ZBTB46: variants seen among roughly 807,000 people sequenced by gnomAD.
The protein encoded by ZBTB46 is zinc finger and BTB domain-containing protein 46.
ZBTB46 carries 8 observed loss-of-function variants against 44.1 expected under a neutral mutation model. The ratio of observed to expected loss-of-function variants is 0.18; its 90% CI spans 0.11 to 0.33. The LOEUF is 0.33. Ranked by LOEUF, ZBTB46 falls within the 10% of genes least tolerant of loss-of-function variation. ZBTB46 has a pLI of 1.00. For synonymous variants in ZBTB46, 409 were observed against 382.3 expected (o/e 1.07, Z -0.81); for missense variants, 651 against 847.7 (o/e 0.77, Z 2.88).
At chr20:63,811,670 A>T (rs1175630366) in intron 1 of ZBTB46, among the ~76,000 whole-genome samples, 1 of 152,176 alleles carries the variant, frequency 6.6e-6, no homozygotes, top group African/African-American at 2.4e-5. Context: ...GCGACGGGCC[A>T]GCCGGCTCAC....
intron 1 of ZBTB46, among the ~76,000 whole-genome samples, chr20:63,802,006 C>G (rs2092649502): frequency 1.3e-5 from 2 of 152,156 alleles, no homozygotes; most frequent in Admixed American, 1.3e-4. Flanking sequence ...GACCTCACTG[C>G]CATTTGTTAC....
At chr20:63,832,537 C>G (rs1255011303), upstream of ZBTB46, among the ~76,000 whole-genome samples, 4 of 152,206 alleles carry the variant, frequency 2.6e-5, no homozygotes, top group Non-Finnish European at 4.4e-5. The surrounding 1 kb of genome is among the most constrained non-coding windows in gnomAD (Gnocchi z 5.0). Flanking sequence ...TGGGAGGCGG[C>G]TGAGGGCTCT....
At chr20:63,829,670 G>A (rs114937472) in intron 1 of ZBTB46, among the ~76,000 whole-genome samples, 17 of 152,178 alleles carry the variant, frequency 1.1e-4, no homozygotes, top group African/African-American at 3.9e-4. Context: ...AAAACACACC[G>A]AGCAGAAAGG....
rs919684850 is a variant in ZBTB46 at position 63,790,802 on chromosome 20, A to C, written c.-33-12T>G. ...CTCTTCTACAGACTCTGTGGAGGTA[A>C]GAACAAGAGTTACCCAAGCTCAGCA... On this transcript the variant is annotated splice_polypyrimidine_tract_variant and intron_variant, in intron 1 of 4. Coordinates refer to ENST00000245663, the MANE Select transcript of ZBTB46 (RefSeq NM_001369741.1). 6.5e-7 allele frequency: 1 copy of C among 1,529,712 alleles called. No homozygotes were observed. Among genetic ancestry groups the C allele is most frequent in the Admixed American group, 1.9e-5 (1 of 52,110 alleles). The allele number at this position is 1,529,712 out of a possible 1,614,324, so 94.8% of individuals were successfully genotyped here.
Position 63,787,022 on chromosome 20 carries a change from A to C in ZBTB46, c.937+2799T>G, listed in dbSNP as rs1242156927. 2.0e-5 allele frequency among the ~76,000 whole-genome samples: 3 copies of C among 152,172 alleles called. No homozygotes were observed. Among genetic ancestry groups the C allele is most frequent in the African/African-American group, 7.2e-5 (3 of 41,448 alleles). The stretch of plus-strand genomic sequence containing the variant: ...GGACGCACAGCAACAACAGATGAGA[A>C]TGAATAAAATCTACATTGTGTCAAA... On this transcript the variant is annotated intron_variant, in intron 2 of 4. Transcript: ENST00000245663. This position sits in a 1 kb window ranked among gnomAD's most constrained non-coding sequence, Gnocchi z 4.6.
At chr20:63,798,747 G>A (rs1168566745) in intron 1 of ZBTB46, among the ~76,000 whole-genome samples, 1 of 148,408 alleles carries the variant, frequency 6.7e-6, no homozygotes, top group African/African-American at 2.5e-5. Context: ...AGGAGGCTGA[G>A]GTGGGAGAAT....
chr20:63,786,037 G>C (rs79271056), intron 2 of ZBTB46, among the ~76,000 whole-genome samples: 7 of 152,180 alleles, frequency 4.6e-5, no homozygotes, highest in Non-Finnish European at 1.0e-4. Context: ...CCTCCAGCAC[G>C]GGCACCTGCC....
At chr20:63,831,377 GCCGCGCCCCGGCCGCGGCCACCGCC>G (rs2092851224), upstream of ZBTB46, 1 of 141,228 alleles carries the variant, frequency 7.1e-6, no homozygotes. Context: ...ATTGGCCCGC[GCCGCGCCCCGGCCGCGGCCACCGCC>G]CCGGGCCCCG....
intron 2 of ZBTB46, among the ~76,000 whole-genome samples, chr20:63,786,325 T>A (rs1243062560): frequency 6.6e-6 from 1 of 152,226 alleles, no homozygotes; most frequent in African/African-American, 2.4e-5. Flanking sequence ...CAACTGCTAA[T>A]GTCTGGAGAC....
At chr20:63,805,686 C>G (rs2092676749) in intron 1 of ZBTB46, among the ~76,000 whole-genome samples, 1 of 152,050 alleles carries the variant, frequency 6.6e-6, no homozygotes, top group South Asian at 2.1e-4. Context: ...CTGCCGCGAG[C>G]TGCCCAGCAG....
chr20:63,786,597 C>T lies in ZBTB46; in HGVS notation c.937+3224G>A, dbSNP rs1469525753. On this transcript the variant is annotated intron_variant, in intron 2 of 4. Coordinates refer to ENST00000245663, the MANE Select transcript of ZBTB46 (RefSeq NM_001369741.1). ...CGCGATCTCAGCTCACCGCAACCTC[C>T]GCCTCCCTGGTTCAAGAGATTCTCC... Among the ~76,000 whole-genome samples, 5 of 152,140 alleles carry T rather than the reference C, an allele frequency of 3.3e-5. No individual in the cohort carries two copies. In the South Asian group the frequency reaches 6.2e-4, roughly 19 times the overall value.
chr20:63,794,279 A>G (rs894688832), intron 1 of ZBTB46, among the ~76,000 whole-genome samples: 1 of 152,008 alleles, frequency 6.6e-6, no homozygotes, highest in Non-Finnish European at 1.5e-5. Context: ...GCAGCCTCCA[A>G]CTCCTGGGCT....
At chr20:63,805,805 G>C (rs1189021665) in intron 1 of ZBTB46, among the ~76,000 whole-genome samples, 2 of 151,766 alleles carry the variant, frequency 1.3e-5, no homozygotes, top group African/African-American at 4.8e-5. Context: ...GCCCAGGCTG[G>C]AGGGCAGTGG....
chr20:63,748,114 T>G (rs144933109), intron 4 of ZBTB46, among the ~76,000 whole-genome samples: 1 of 152,132 alleles, frequency 6.6e-6, no homozygotes, highest in Non-Finnish European at 1.5e-5. Flanking sequence ...CAGGAACGTG[T>G]AAAGGAGGCA....
intron 4 of ZBTB46, among the ~76,000 whole-genome samples, chr20:63,749,540 G>A (rs983244429): frequency 3.3e-5 from 5 of 152,186 alleles, no homozygotes; most frequent in Non-Finnish European, 5.9e-5. Context: ...GTTTCACCGT[G>A]TTAGCCAGGA....
intron 1 of ZBTB46, among the ~76,000 whole-genome samples, chr20:63,805,923 C>T (rs189689073): frequency 2.0e-4 from 30 of 151,860 alleles, no homozygotes; most frequent in African/African-American, 6.3e-4. Context: ...TAGGTGTGTG[C>T]CACCACACCC....
In ZBTB46 at chr20:63,767,910, C is replaced by T; in HGVS notation, c.1222+7768G>A. The T allele has an allele frequency of 1.0e-6, 1 of 985,486 alleles. No homozygotes were observed. Among genetic ancestry groups the T allele is most frequent in the South Asian group, 4.7e-5 (1 of 21,288 alleles). 61.0% of individuals were successfully genotyped at this position (985,486 alleles called of 1,614,324 possible). ...GGCCACAGGCCCTGCAGAAACCCAC[C>T]CTCATGCCAGCGGGAGCCAACTCTG... is the stretch of plus-strand genomic sequence containing the variant. On this transcript the variant is annotated intron_variant, in intron 3 of 4. Transcript: ENST00000245663. The surrounding 1 kb of genome is among the most constrained non-coding windows in gnomAD (Gnocchi z 5.0).
At chr20:63,758,922 C>T (rs925877442) in intron 3 of ZBTB46, among the ~76,000 whole-genome samples, 5 of 151,990 alleles carry the variant, frequency 3.3e-5, no homozygotes, top group African/African-American at 1.2e-4. Flanking sequence ...TTAATAGAGA[C>T]GGGTTTCACT....
intron 3 of ZBTB46, among the ~76,000 whole-genome samples, chr20:63,766,706 A>C (rs781241983): frequency 3.9e-5 from 6 of 152,130 alleles, no homozygotes; most frequent in Non-Finnish European, 7.3e-5. Context: ...CCCAAACCTC[A>C]CTAGAAATCC....
Sources: gnomAD v4.1 joint callset for allele counts (sites outside exome capture counted in the v4.1 genomes callset) on GRCh38, gnomAD v4.1.1 for gene constraint, Gnocchi (gnomAD v3.1) non-coding constraint, MANE v1.5 for transcripts, NCBI Gene and HGNC (gene_info 2026-07-23, HGNC 2026-07-21) for gene names.